NTM: variants seen among roughly 807,000 people sequenced by gnomAD.
NTM encodes neurotrimin, also known as IgLON family member 2.
In NTM, 13 loss-of-function variants were observed where a neutral mutation model predicts 42.1. The ratio of observed to expected loss-of-function variants is 0.31; its 90% CI spans 0.20 to 0.49. The LOEUF (loss-of-function observed/expected upper bound fraction) is 0.49. Among genes scored for constraint, NTM ranks in the 20% least tolerant of loss-of-function variants. The pLI, the probability that NTM is intolerant of heterozygous loss-of-function variation, is 0.99. For synonymous variants in NTM, 187 were observed against 179.2 expected, an observed-to-expected ratio of 1.04 and a Z score of -0.35; for missense variants, 373 against 452.8, an observed-to-expected ratio of 0.82 and a Z score of 1.60.
intron 1 of NTM, among the ~76,000 whole-genome samples, chr11:131,789,088 A>G (rs1012744997): frequency 2.0e-5 from 3 of 152,014 alleles, no homozygotes; most frequent in African/African-American, 7.2e-5. Flanking sequence ...TGACAAGTGA[A>G]TGACATCTTG....
chr11:131,392,690 C>G (rs1316517032), intron 1 of NTM, among the ~76,000 whole-genome samples: 1 of 152,178 alleles, frequency 6.6e-6, no homozygotes, highest in Non-Finnish European at 1.5e-5. Flanking sequence ...AGTCTGGACG[C>G]CTGTTGCCTG....
chr11:131,506,701 A>G (rs2047534067), intron 1 of NTM, among the ~76,000 whole-genome samples: 1 of 152,204 alleles, frequency 6.6e-6, no homozygotes, highest in African/African-American at 2.4e-5. Context: ...CAGGAGTTTG[A>G]TGGGAAGGAG....
chr11:131,942,187 C>T (rs1455647552), intron 2 of NTM, among the ~76,000 whole-genome samples: 1 of 152,122 alleles, frequency 6.6e-6, no homozygotes, highest in Non-Finnish European at 1.5e-5. Flanking sequence ...TATGCAAAAG[C>T]AGAGAGAGAG....
intron 1 of NTM, among the ~76,000 whole-genome samples, chr11:131,642,828 C>T (rs752410907): frequency 4.6e-5 from 7 of 152,098 alleles, no homozygotes; most frequent in East Asian, 1.9e-4. Context: ...ATCCAATTAT[C>T]GTCCTGTCTT....
Position 132,335,518 on chromosome 11 carries a change from T to C in NTM, c.*372T>C. 1 of 230,932 alleles carries C rather than the reference T, an allele frequency of 4.3e-6. No homozygotes were observed. Among genetic ancestry groups the C allele is most frequent in the Non-Finnish European group, 8.5e-6 (1 of 117,004 alleles). 14.3% of individuals were successfully genotyped at this position (230,932 alleles called of 1,614,324 possible). A position where few individuals can be genotyped will look rare whatever the true frequency, so the allele number is the denominator to read the frequency against. Reference sequence around the variant, plus strand: ...GCCCCCACGTGGAACATTCTGGAGCTGGCCATCCCAAATTCAATCAGTCCA... The same window carrying C: ...GCCCCCACGTGGAACATTCTGGAGCCGGCCATCCCAAATTCAATCAGTCCA... On this transcript the variant is annotated 3_prime_UTR_variant, in exon 9 of 9. Transcript: ENST00000683400.
At chr11:132,315,775 A>AAAT (rs1448520717) in intron 7 of NTM, among the ~76,000 whole-genome samples, 16 of 152,206 alleles carry the variant, frequency 1.1e-4, no homozygotes, top group African/African-American at 3.9e-4. Context: ...TACCCGGCAC[A>AAAT]AATAGTAAAT....
At chr11:131,562,035 A>AT (rs372676251) in intron 1 of NTM, among the ~76,000 whole-genome samples, 7 of 151,998 alleles carry the variant, frequency 4.6e-5, no homozygotes, top group African/African-American at 7.3e-5. Context: ...ACTATTTTTT[A>AT]TTTTTTAGGA....
At chr11:131,873,232 A>G (rs2047981460) in intron 1 of NTM, among the ~76,000 whole-genome samples, 1 of 152,086 alleles carries the variant, frequency 6.6e-6, no homozygotes, top group Admixed American at 6.6e-5. Flanking sequence ...GAAGCTGGAA[A>G]CCATCATTCT....
intron 3 of NTM, among the ~76,000 whole-genome samples, chr11:132,188,417 G>A (rs1027814303): frequency 2.6e-5 from 4 of 152,164 alleles, no homozygotes; most frequent in African/African-American, 9.7e-5. Context: ...AGTACTTTCA[G>A]AAATGAAGAG....
At chr11:132,278,742 C>CT (rs1305888425) in intron 4 of NTM, among the ~76,000 whole-genome samples, 1 of 90,458 alleles carries the variant, frequency 1.1e-5, no homozygotes, top group African/African-American at 3.8e-5. Flanking sequence ...TTCATTTGGG[C>CT]TTCTCTCTCT....
At chr11:131,990,361 T>G (rs756189928) in intron 2 of NTM, among the ~76,000 whole-genome samples, 3 of 152,144 alleles carry the variant, frequency 2.0e-5, no homozygotes, top group Non-Finnish European at 4.4e-5. Flanking sequence ...GCTAGAGAAT[T>G]TGTTTTTAAA....
At chr11:131,972,811 T>G (rs75044152) in intron 2 of NTM, among the ~76,000 whole-genome samples, 1 of 152,162 alleles carries the variant, frequency 6.6e-6, no homozygotes, top group Non-Finnish European at 1.5e-5. Flanking sequence ...TACAATCTCA[T>G]GTATAATTTT....
At chr11:131,726,213 C>T (rs887339631) in intron 1 of NTM, among the ~76,000 whole-genome samples, 3 of 152,176 alleles carry the variant, frequency 2.0e-5, no homozygotes, top group South Asian at 4.1e-4. Flanking sequence ...TCTATTTACA[C>T]AGTTATCTGC....
chr11:131,675,446 T>C (rs745779887), intron 1 of NTM, among the ~76,000 whole-genome samples: 18 of 152,216 alleles, frequency 1.2e-4, no homozygotes, highest in Non-Finnish European at 2.1e-4. Flanking sequence ...TTTGGAATGG[T>C]GGCCGCATTA....
intron 1 of NTM, among the ~76,000 whole-genome samples, chr11:131,717,723 T>C (rs1255957932): frequency 6.6e-6 from 1 of 152,200 alleles, no homozygotes; most frequent in Non-Finnish European, 1.5e-5. Flanking sequence ...CTTGCGTTAT[T>C]GTATTAGCTA....
At chr11:132,324,507 T>C (rs1388224827) in intron 7 of NTM, among the ~76,000 whole-genome samples, 1 of 151,522 alleles carries the variant, frequency 6.6e-6, no homozygotes, top group Non-Finnish European at 1.5e-5. Context: ...AAACCACTGC[T>C]CAATGAAATC....
intron 2 of NTM, among the ~76,000 whole-genome samples, chr11:131,997,330 T>A (rs1457296489): frequency 1.3e-5 from 2 of 152,218 alleles, no homozygotes; most frequent in African/African-American, 4.8e-5. Context: ...CCTGTTCCTC[T>A]GTCTATGACT....
intron 1 of NTM, among the ~76,000 whole-genome samples, chr11:131,637,265 G>A (rs1425183075): frequency 6.6e-6 from 1 of 151,940 alleles, no homozygotes; most frequent in Non-Finnish European, 1.5e-5. Flanking sequence ...CTCCTTGGAA[G>A]GCCAGAGTCA....
chr11:131,753,944 A>G (rs2082934247), intron 1 of NTM, among the ~76,000 whole-genome samples: 1 of 151,724 alleles, frequency 6.6e-6, no homozygotes, highest in East Asian at 2.0e-4. Flanking sequence ...ATGGAATACT[A>G]TGCAGCCATA....
Sources: gnomAD v4.1 joint callset for allele counts (sites outside exome capture counted in the v4.1 genomes callset) on GRCh38, gnomAD v4.1.1 for gene constraint, MANE v1.5 for transcripts, NCBI Gene and HGNC (gene_info 2026-07-23, HGNC 2026-07-21) for gene names.